CCDC102B: variants seen among roughly 807,000 people sequenced by gnomAD.
CCDC102B encodes coiled-coil domain containing 102B, also known as coiled-coil domain-containing protein 102B.
Under a neutral mutation model 57.4 loss-of-function variants are expected in CCDC102B, and 75 were observed. The ratio of observed to expected loss-of-function variants is 1.31; its 90% CI spans 1.08 to 1.58. CCDC102B has a LOEUF of 1.58. Ranked by LOEUF, CCDC102B falls within the 40% of genes most tolerant of loss-of-function variation. CCDC102B has a pLI of 0.00. For synonymous variants in CCDC102B, 206 were observed against 201.9 expected (o/e 1.02, Z -0.17); for missense variants, 636 against 582.6 (o/e 1.09, Z -0.94).
At chr18:68,999,650 A>G (rs1465522522) in intron 6 of CCDC102B, among the ~76,000 whole-genome samples, 1 of 152,084 alleles carries the variant, frequency 6.6e-6, no homozygotes, top group Non-Finnish European at 1.5e-5. Context: ...GAAAAGCAGC[A>G]AAGTTCTGGG....
At chr18:68,807,810 T>C (rs955687258) in intron 1 of CCDC102B, among the ~76,000 whole-genome samples, 5 of 152,164 alleles carry the variant, frequency 3.3e-5, no homozygotes, top group African/African-American at 1.2e-4. Flanking sequence ...AAATTTTTTA[T>C]TTTCTTTATT....
chr18:69,033,864 G>T (rs2052214042), intron 7 of CCDC102B, among the ~76,000 whole-genome samples: 1 of 151,890 alleles, frequency 6.6e-6, no homozygotes, highest in African/African-American at 2.4e-5. Flanking sequence ...ATTTGTTAGA[G>T]TTCATCTTTT....
At chr18:68,832,837 T>C (rs2144773666) in intron 1 of CCDC102B, among the ~76,000 whole-genome samples, 1 of 151,344 alleles carries the variant, frequency 6.6e-6, no homozygotes, top group Middle Eastern at 3.4e-3. Context: ...AAGGTGGAGG[T>C]GAGGTTGTGC....
At chr18:68,869,463 G>T (rs561978003) in intron 4 of CCDC102B, among the ~76,000 whole-genome samples, 1 of 152,254 alleles carries the variant, frequency 6.6e-6, no homozygotes, top group Non-Finnish European at 1.5e-5. Context: ...TCTGAGGAAT[G>T]CTGGTAGCAG....
chr18:68,767,245 G>A (rs1288191252), intron 2 of CCDC102B, among the ~76,000 whole-genome samples: 1 of 152,204 alleles, frequency 6.6e-6, no homozygotes. Context: ...CATATGTGAA[G>A]CTCTAACCCT....
chr18:68,924,694 C>A (rs2041416424), intron 6 of CCDC102B, among the ~76,000 whole-genome samples: 1 of 152,042 alleles, frequency 6.6e-6, no homozygotes. Flanking sequence ...GGGGACTTAT[C>A]AATAGGCCTG....
chr18:68,881,751 A>G (rs997158779), intron 5 of CCDC102B, among the ~76,000 whole-genome samples: 2 of 152,046 alleles, frequency 1.3e-5, no homozygotes, highest in Non-Finnish European at 2.9e-5. Context: ...TAGCTTCTAT[A>G]ATTTCATGAG....
intron 7 of CCDC102B, among the ~76,000 whole-genome samples, chr18:69,041,045 G>A (rs1007058539): frequency 1.3e-5 from 2 of 151,988 alleles, no homozygotes; most frequent in African/African-American, 4.8e-5. Flanking sequence ...AGAGTAAAAA[G>A]AAATCAAGGC....
chr18:68,740,801 A>G (rs1025230528), intron 2 of CCDC102B, among the ~76,000 whole-genome samples: 5 of 152,154 alleles, frequency 3.3e-5, no homozygotes, highest in African/African-American at 4.8e-5. Flanking sequence ...AAGTATATAT[A>G]CTATGAATAT....
chr18:68,773,300 G>C (rs1338821118), intron 2 of CCDC102B, among the ~76,000 whole-genome samples: 1 of 151,992 alleles, frequency 6.6e-6, no homozygotes, highest in Non-Finnish European at 1.5e-5. Context: ...ATAGTAACAT[G>C]GCAGAGGAGC....
intron 6 of CCDC102B, among the ~76,000 whole-genome samples, chr18:68,945,255 AC>A (rs1200277120): frequency 6.6e-6 from 1 of 152,088 alleles, no homozygotes; most frequent in African/African-American, 2.4e-5. Context: ...TGATAAAATT[AC>A]TTTCTTAATG....
chr18:69,046,213 A>G (rs983384564), intron 7 of CCDC102B, among the ~76,000 whole-genome samples: 4 of 152,114 alleles, frequency 2.6e-5, no homozygotes, highest in Non-Finnish European at 4.4e-5. Context: ...TTACACTCCC[A>G]CCCAAAATGC....
intron 1 of CCDC102B, among the ~76,000 whole-genome samples, chr18:68,811,160 C>T (rs573313028): frequency 2.0e-5 from 3 of 152,270 alleles, no homozygotes; most frequent in South Asian, 2.1e-4. Context: ...AGTAAACATA[C>T]GTGTGCATGT....
At chr18:68,930,272 A>G (rs2041623575) in intron 6 of CCDC102B, among the ~76,000 whole-genome samples, 1 of 149,212 alleles carries the variant, frequency 6.7e-6, no homozygotes. Flanking sequence ...TATATATTAT[A>G]CATTATATGC....
At chr18:68,990,218 C>G (rs548120488) in intron 6 of CCDC102B, among the ~76,000 whole-genome samples, 192 of 152,308 alleles carry the variant, frequency 1.3e-3, no homozygotes, top group Non-Finnish European at 2.2e-3. Flanking sequence ...TCTCTGCAGC[C>G]CGTTAGATTT....
chr18:68,783,434 T>C (rs1337240208), intron 2 of CCDC102B, among the ~76,000 whole-genome samples: 2 of 152,180 alleles, frequency 1.3e-5, no homozygotes, highest in African/African-American at 2.4e-5. Context: ...TCTTCCAGCA[T>C]TAGACTCTGC....
In CCDC102B at chr18:69,002,973, C is replaced by T. The variant is rs545927922; in HGVS notation, c.1264-7961C>T. Among the ~76,000 whole-genome samples the T allele has an allele frequency of 7.9e-5, 12 of 152,272 alleles. 1 individual carries two copies. The highest frequency in any genetic ancestry group is 6.2e-4 in the South Asian group (3 of 4,826). On this transcript the variant is annotated intron_variant, in intron 6 of 7. Coordinates refer to ENST00000360242, the MANE Select transcript of CCDC102B (RefSeq NM_024781.3). ...ACCTACCTGCAATACCCTTCTCCCTCGAGTAAGTCAACTCCATGTCATCTT... is the reference window on the plus strand; with the variant it reads ...ACCTACCTGCAATACCCTTCTCCCTTGAGTAAGTCAACTCCATGTCATCTT...
intron 7 of CCDC102B, among the ~76,000 whole-genome samples, chr18:69,017,414 TC>T (rs2051701181): frequency 6.6e-6 from 1 of 152,088 alleles, no homozygotes; most frequent in Non-Finnish European, 1.5e-5. Flanking sequence ...GCGTGAACCA[TC>T]TTGCCAGGCC....
chr18:68,755,620 T>G (rs1199019297), intron 2 of CCDC102B, among the ~76,000 whole-genome samples: 1 of 152,110 alleles, frequency 6.6e-6, no homozygotes, highest in Non-Finnish European at 1.5e-5. Flanking sequence ...TAAAGCAAAA[T>G]CTGCCACAAA....
Sources: gnomAD v4.1 joint callset for allele counts (sites outside exome capture counted in the v4.1 genomes callset) on GRCh38, gnomAD v4.1.1 for gene constraint, MANE v1.5 for transcripts, NCBI Gene and HGNC (gene_info 2026-07-23, HGNC 2026-07-21) for gene names.